KHDRBS2: variants seen among roughly 807,000 people sequenced by gnomAD.
The protein encoded by KHDRBS2 is KH domain-containing, RNA-binding, signal transduction-associated protein 2.
KHDRBS2 carries 26 observed loss-of-function variants against 44.3 expected under a neutral mutation model. That is an observed-to-expected ratio of 0.59 (90% CI 0.43 to 0.81). KHDRBS2 has a LOEUF of 0.81. KHDRBS2 is among the 40% of genes least tolerant of loss of function. KHDRBS2 has a pLI of 0.00. For synonymous variants in KHDRBS2, 194 were observed against 151.1 expected (o/e 1.28, Z -2.08); for missense variants, 476 against 433.1 (o/e 1.10, Z -0.88).
Position 61,758,411 on chromosome 6 carries a change from T to A in KHDRBS2, c.811-25647A>T, listed in dbSNP as rs185583677. 2.2e-3 allele frequency among the ~76,000 whole-genome samples: 342 copies of A among 152,036 alleles called. 2 individuals carry two copies. The highest frequency in any genetic ancestry group is 8.0e-3 in the African/African-American group (333 of 41,508). On this transcript the variant is annotated intron_variant, in intron 6 of 8. Transcript: ENST00000281156. ...CTTTGTATCCCTATCTTCCACTAGA[T>A]CATGAATGTTTGACAAATAGGTTCT...
intron 3 of KHDRBS2, among the ~76,000 whole-genome samples, chr6:62,033,539 G>T (rs1784725083): frequency 6.6e-6 from 1 of 151,600 alleles, no homozygotes; most frequent in African/African-American, 2.4e-5. Flanking sequence ...AATCATACAG[G>T]CCAGAAGAGA....
chr6:61,915,181 C>T (rs1806771556), intron 4 of KHDRBS2, among the ~76,000 whole-genome samples: 1 of 151,952 alleles, frequency 6.6e-6, no homozygotes, highest in Admixed American at 6.6e-5. Context: ...AAGGATCACT[C>T]TTAGGAATGT....
At position 62,221,242 on chromosome 6, in the gene KHDRBS2, G is replaced by A. The variant is rs1326451296; in HGVS notation, c.92-43930C>T. 3.3e-5 allele frequency among the ~76,000 whole-genome samples: 5 copies of A among 151,954 alleles called. No individual in the cohort carries two copies. The South Asian group carries it at 1.0e-3, about 31-fold the overall frequency. On this transcript the variant is annotated intron_variant, in intron 1 of 8. Coordinates refer to ENST00000281156, the MANE Select transcript of KHDRBS2 (RefSeq NM_152688.4). ...AGTTGTATTATATCACTTATATAAG[G>A]AATCTAAAAATTAAAAGGTTGAATA...
the KHDRBS2 span, among the ~76,000 whole-genome samples, chr6:61,640,501 A>G: frequency 6.6e-6 from 1 of 152,094 alleles, no homozygotes; most frequent in Non-Finnish European, 1.5e-5. Flanking sequence ...CTGGTCGCTT[A>G]ATGTCCTACT....
intron 4 of KHDRBS2, among the ~76,000 whole-genome samples, chr6:61,963,528 AG>A (rs1769225428): frequency 6.6e-6 from 1 of 152,080 alleles, no homozygotes; most frequent in Admixed American, 6.6e-5. Flanking sequence ...AATGGTAATT[AG>A]GGATGTGACT....
rs149362519 is a variant in KHDRBS2, at chr6:61,863,051, A to T, written c.810+31584T>A. Reference sequence around the variant, plus strand: ...GTCTCCTATTTATCCATTTTTTCCTAGATTTTGTTATTTATATGTATAGAG... The same window carrying T: ...GTCTCCTATTTATCCATTTTTTCCTTGATTTTGTTATTTATATGTATAGAG... On this transcript the variant is annotated intron_variant, in intron 6 of 8. Transcript: ENST00000281156. Among the ~76,000 whole-genome samples the T allele has an allele frequency of 3.3e-4, 50 of 151,874 alleles. 1 individual carries two copies. The East Asian group carries it at 9.3e-3, about 28-fold the overall frequency.
chr6:62,060,864 T>A (rs1235215006), intron 2 of KHDRBS2, among the ~76,000 whole-genome samples: 1 of 151,892 alleles, frequency 6.6e-6, no homozygotes, highest in Admixed American at 6.6e-5. Context: ...TATTGTGTGC[T>A]TAATCAATAT....
chr6:62,098,668 C>T (rs1801192984), intron 2 of KHDRBS2, among the ~76,000 whole-genome samples: 1 of 152,118 alleles, frequency 6.6e-6, no homozygotes, highest in South Asian at 2.1e-4. Flanking sequence ...CTTCCTGTGT[C>T]TGGATTTTGT....
intron 1 of KHDRBS2, among the ~76,000 whole-genome samples, chr6:62,257,397 CT>C (rs1837569751): frequency 6.6e-6 from 1 of 151,974 alleles, no homozygotes; most frequent in African/African-American, 2.4e-5. Flanking sequence ...CTGTTTGGCT[CT>C]ATTAAAACTA....
intron 1 of KHDRBS2, among the ~76,000 whole-genome samples, chr6:62,261,101 G>T (rs982721460): frequency 5.3e-5 from 8 of 151,744 alleles, no homozygotes; most frequent in Non-Finnish European, 1.0e-4. Flanking sequence ...AAACTGAAGG[G>T]ATCCCAAATG....
the KHDRBS2 span, among the ~76,000 whole-genome samples, chr6:61,548,986 A>AG: frequency 1.3e-5 from 2 of 152,132 alleles, no homozygotes; most frequent in Non-Finnish European, 2.9e-5. Context: ...CTTAAAAAAA[A>AG]GTCCCCCAGA....
At chr6:62,193,465 G>T (rs1434299239) in intron 1 of KHDRBS2, among the ~76,000 whole-genome samples, 1 of 152,054 alleles carries the variant, frequency 6.6e-6, no homozygotes, top group Non-Finnish European at 1.5e-5. Flanking sequence ...TTGTTGGGTG[G>T]TTTTTGAAAA....
Position 62,285,857 on chromosome 6 carries a change from C to T in KHDRBS2, c.91+1G>A. 1 of 1,611,192 alleles carries T rather than the reference C, an allele frequency of 6.2e-7. No homozygotes were observed. The highest frequency in any genetic ancestry group is 1.7e-5 in the Admixed American group (1 of 59,842). On this transcript the variant is annotated splice_donor_variant, in intron 1 of 8. Coordinates refer to ENST00000281156, the MANE Select transcript of KHDRBS2 (RefSeq NM_152688.4). LOFTEE classifies it high-confidence loss of function. ...TGCCCATCTGTGGGGGCAAGTCCTA[C>T]CTTCTGCCAAAAGGCGCGACGCATG...
At chr6:62,215,204 G>T (rs1347346393) in intron 1 of KHDRBS2, among the ~76,000 whole-genome samples, 2 of 151,818 alleles carry the variant, frequency 1.3e-5, no homozygotes, top group Admixed American at 1.3e-4. Context: ...ATATACACAA[G>T]AGAGTTTTCC....
intron 1 of KHDRBS2, among the ~76,000 whole-genome samples, chr6:62,268,654 T>C (rs538026264): frequency 6.6e-6 from 1 of 152,190 alleles, no homozygotes; most frequent in African/African-American, 2.4e-5. Context: ...CGGTCCTTTT[T>C]AATGGAAATG....
intron 4 of KHDRBS2, among the ~76,000 whole-genome samples, chr6:61,949,866 T>A (rs1215220067): frequency 6.6e-6 from 1 of 152,130 alleles, no homozygotes; most frequent in Non-Finnish European, 1.5e-5. Context: ...CCCATTCTTT[T>A]ACCTCATGTT....
At chr6:61,944,450 A>T (rs2127378481) in intron 4 of KHDRBS2, among the ~76,000 whole-genome samples, 1 of 152,238 alleles carries the variant, frequency 6.6e-6, no homozygotes, top group South Asian at 2.1e-4. Flanking sequence ...AGGTAAAAAA[A>T]AAAAGATCTC....
chr6:61,962,210 A>T (rs1768895576), intron 4 of KHDRBS2, among the ~76,000 whole-genome samples: 1 of 152,110 alleles, frequency 6.6e-6, no homozygotes, highest in African/African-American at 2.4e-5. Context: ...TTGCTAATCA[A>T]AAGTATAATG....
intron 2 of KHDRBS2, among the ~76,000 whole-genome samples, chr6:62,117,186 T>G (rs778472939): frequency 1.4e-4 from 21 of 152,162 alleles, no homozygotes; most frequent in Non-Finnish European, 2.9e-4. Flanking sequence ...CTGTTTTCCA[T>G]AGTGGCTGTA....
Sources: gnomAD v4.1 joint callset for allele counts (sites outside exome capture counted in the v4.1 genomes callset) on GRCh38, gnomAD v4.1.1 for gene constraint, MANE v1.5 for transcripts, NCBI Gene and HGNC (gene_info 2026-07-23, HGNC 2026-07-21) for gene names.